LAMA2: variants seen among roughly 807,000 people sequenced by gnomAD.
LAMA2 encodes the protein laminin subunit alpha-2.
Under a neutral mutation model 364.8 loss-of-function variants are expected in LAMA2, and 269 were observed. The ratio of observed to expected loss-of-function variants is 0.74; its 90% CI spans 0.67 to 0.82. The LOEUF is 0.82. Ranked by LOEUF, LAMA2 falls within the 40% of genes least tolerant of loss-of-function variation. The probability of loss-of-function intolerance (pLI) is 0.00; values close to 1 mark genes in which losing one functional copy is unlikely to be tolerated. For missense variants in LAMA2, 3,807 were observed against 3,873.2 expected (o/e 0.98, Z 0.45); for synonymous variants, 1,379 against 1,370.6 (o/e 1.01, Z -0.14).
At chr6:129,465,053 A>C in intron 50 of LAMA2, 92 bp from the exon 51 acceptor site, 1 of 1,031,078 alleles carries the variant, frequency 9.7e-7, no homozygotes, top group Non-Finnish European at 1.5e-6. Flanking sequence ...CAATTTAGCC[A>C]CAAGACCCTA....
chr6:129,119,507 A>G lies in LAMA2; in HGVS notation c.639+21092A>G, dbSNP rs542807927. ...TAAGGGAAATTGTAGGCTAAAGCAT[A>G]TATTATACATTTTATTTTATTTTTT... On this transcript the variant is annotated intron_variant, in intron 4 of 64. Coordinates refer to ENST00000421865, the MANE Select transcript of LAMA2 (RefSeq NM_000426.4). 2.6e-4 allele frequency among the ~76,000 whole-genome samples: 39 copies of G among 151,806 alleles called. 1 individual carries two copies. The South Asian group carries it at 3.1e-3, about 12-fold the overall frequency.
chr6:129,258,403 T>TTAG (rs1786860711), intron 14 of LAMA2, among the ~76,000 whole-genome samples: 1 of 151,914 alleles, frequency 6.6e-6, no homozygotes, highest in African/African-American at 2.4e-5. Context: ...GCAGTGAACA[T>TTAG]TAGTCATTAA....
intron 1 of LAMA2, among the ~76,000 whole-genome samples, chr6:128,934,583 CCTCCGT>C (rs1325633966): frequency 2.0e-5 from 3 of 151,940 alleles, no homozygotes; most frequent in Non-Finnish European, 4.4e-5. Context: ...CTCACTGCAA[CCTCCGT>C]CTCCTGGGTT....
chr6:129,151,869 CTG>C (rs1189182551), intron 7 of LAMA2, among the ~76,000 whole-genome samples: 1 of 152,170 alleles, frequency 6.6e-6, no homozygotes, highest in Non-Finnish European at 1.5e-5. Context: ...AACCATATCA[CTG>C]TCTTTCTGAA....
chr6:129,461,781 G>C (rs1228325435), intron 49 of LAMA2, among the ~76,000 whole-genome samples: 1 of 146,852 alleles, frequency 6.8e-6, no homozygotes, highest in East Asian at 2.0e-4. Context: ...TGTATACGTA[G>C]GGTGTTTTGT....
At chr6:129,363,247 TG>T (rs1777569887) in intron 32 of LAMA2, among the ~76,000 whole-genome samples, 1 of 152,100 alleles carries the variant, frequency 6.6e-6, no homozygotes, top group African/African-American at 2.4e-5. Flanking sequence ...GAGGCCGCAG[TG>T]AGTCATGATC....
chr6:129,353,311 T>A lies in LAMA2; in HGVS notation c.4671T>A (p.Cys1557Ter). 1.2e-6 allele frequency: 2 copies of A among 1,614,130 alleles called. No homozygotes were observed. Among genetic ancestry groups the A allele is most frequent in the Non-Finnish European group, 1.7e-6 (2 of 1,179,986 alleles). The change falls in exon 32 of 65, where the codon TGT becomes TGA. Residue 1557 changes from cysteine to a stop codon, truncating the protein, a stop_gained. Coordinates refer to ENST00000421865, the MANE Select transcript of LAMA2 (RefSeq NM_000426.4). LOFTEE classifies it high-confidence loss of function. ...TCRPGATGRK[C>*]DGCKHWHARE... ...GACCTGGAGCCACGGGAAGGAAGTG[T>A]GACGGCTGCAAGCACTGGCATGCAC...
intron 29 of LAMA2, among the ~76,000 whole-genome samples, chr6:129,334,449 C>T (rs779925266): frequency 2.0e-5 from 3 of 152,066 alleles, no homozygotes; most frequent in Non-Finnish European, 2.9e-5. Flanking sequence ...GTGCATGGTA[C>T]GCTTCATAAA....
intron 4 of LAMA2, among the ~76,000 whole-genome samples, chr6:129,107,981 T>C (rs1775929644): frequency 6.6e-6 from 1 of 152,194 alleles, no homozygotes; most frequent in Admixed American, 6.5e-5. Context: ...GAGCTGCTGC[T>C]TATTTTTTAT....
intron 17 of LAMA2, among the ~76,000 whole-genome samples, chr6:129,275,140 G>A (rs142580141): frequency 2.0e-5 from 3 of 151,936 alleles, no homozygotes; most frequent in Admixed American, 1.3e-4. Flanking sequence ...TTGAATGCAC[G>A]TTGTTAAAAT....
At chr6:128,911,499 C>G (rs543464455) in intron 1 of LAMA2, among the ~76,000 whole-genome samples, 1 of 152,132 alleles carries the variant, frequency 6.6e-6, no homozygotes. Flanking sequence ...CTTCGGCTCA[C>G]GCACGGTGCG....
chr6:129,131,035 T>C (rs1777443956), intron 4 of LAMA2, among the ~76,000 whole-genome samples: 1 of 152,214 alleles, frequency 6.6e-6, no homozygotes, highest in South Asian at 2.1e-4. Context: ...TTTTTGTCCT[T>C]AATAGAAAAG....
In LAMA2 at chr6:129,502,738, C is replaced by A. The variant is rs144355650; in HGVS notation, c.8324C>A (p.Ala2775Glu). ...GGGCTTTCAAGAAACAGTCACATTGCAATTGCATTTGATGACACCAAAGTT... is the reference window on the plus strand; with the variant it reads ...GGGCTTTCAAGAAACAGTCACATTGAAATTGCATTTGATGACACCAAAGTT... ...QFGLSRNSHIAIAFDDTKVKN... is the reference protein window; with the variant it reads ...QFGLSRNSHIEIAFDDTKVKN... Residue 2775 changes from alanine (A) to glutamate (E), a missense_variant, in exon 59 of 65, where the codon GCA (alanine) becomes GAA (glutamate). Around this residue, in one of 3 missense-constraint regions of LAMA2, gnomAD observed 3,333 missense variants for 3,345.7 expected, o/e 1.00. Coordinates refer to ENST00000421865, the MANE Select transcript of LAMA2 (RefSeq NM_000426.4). 15 of 1,613,548 alleles carry A rather than the reference C, an allele frequency of 9.3e-6. No homozygotes were observed. The highest frequency in any genetic ancestry group is 1.3e-5 in the African/African-American group (1 of 75,014).
Position 129,406,339 on chromosome 6 carries a change from T to C in LAMA2, c.5865+2380T>C, listed in dbSNP as rs1583674838. ...TTATTTTGTAAAGAGTAATAGCTAC[T>C]TGTCTTGCATAACTAATTTCTTTAA... is the stretch of plus-strand genomic sequence containing the variant. On this transcript the variant is annotated intron_variant, in intron 40 of 64. Coordinates refer to ENST00000421865, the MANE Select transcript of LAMA2 (RefSeq NM_000426.4). 3.3e-5 allele frequency among the ~76,000 whole-genome samples: 5 copies of C among 152,338 alleles called. No individual in the cohort carries two copies. The East Asian group carries it at 9.6e-4, about 29-fold the overall frequency.
chr6:129,198,535 T>G (rs1352346929), intron 12 of LAMA2, among the ~76,000 whole-genome samples: 5 of 152,152 alleles, frequency 3.3e-5, no homozygotes, highest in Non-Finnish European at 7.4e-5. Context: ...ATGAATGAGA[T>G]GAATAACAAA....
At chr6:129,057,746 C>A (rs943677913) in intron 2 of LAMA2, among the ~76,000 whole-genome samples, 1 of 152,050 alleles carries the variant, frequency 6.6e-6, no homozygotes, top group Non-Finnish European at 1.5e-5. Flanking sequence ...CTCATGGTCC[C>A]CCTCTCATCA....
At chr6:129,219,741 A>C (rs1439996915) in intron 12 of LAMA2, among the ~76,000 whole-genome samples, 1 of 125,408 alleles carries the variant, frequency 8.0e-6, no homozygotes, top group Non-Finnish European at 1.6e-5. Flanking sequence ...AAAAACAAAC[A>C]CCACATGTTC....
At chr6:129,486,339 G>A (rs1025025002) in intron 55 of LAMA2, 135 bp from the exon 56 acceptor site, 9 of 852,304 alleles carry the variant, frequency 1.1e-5, no homozygotes, top group African/African-American at 1.7e-5. Flanking sequence ...TTTCAAAACC[G>A]TTTGAGAAAA....
At chr6:129,121,630 T>A (rs1046434718) in intron 4 of LAMA2, among the ~76,000 whole-genome samples, 1 of 152,188 alleles carries the variant, frequency 6.6e-6, no homozygotes, top group African/African-American at 2.4e-5. Context: ...CTGGAAATTG[T>A]AGGCTTTAGA....
Sources: allele counts gnomAD v4.1 joint callset (sites outside exome capture counted in the v4.1 genomes callset), GRCh38; gene constraint gnomAD v4.1.1; regional missense constraint gnomAD v4.1.1; transcripts MANE v1.5; gene names NCBI Gene and HGNC (gene_info 2026-07-23, HGNC 2026-07-21).